The following ZSCAN29 variants were observed in gnomAD, a reference collection of about 807,000 sequenced individuals.
ZSCAN29 encodes zinc finger and SCAN domain containing 29, also known as zinc finger and SCAN domain-containing protein 29.
In ZSCAN29, 55 loss-of-function variants were observed where a neutral mutation model predicts 71.9. The ratio of observed to expected loss-of-function variants is 0.76; its 90% CI spans 0.62 to 0.96. The LOEUF (loss-of-function observed/expected upper bound fraction) is 0.96. ZSCAN29 is among the 40% of genes least tolerant of loss of function. The pLI is 0.00. For synonymous variants in ZSCAN29, 351 were observed against 371.6 expected (o/e 0.94, Z 0.64); for missense variants, 1,042 against 1,042.2 (o/e 1.00, Z 0.00).
Position 43,361,547 on chromosome 15 carries a change from T to C in ZSCAN29, c.2085A>G (p.Arg695=). The C allele has an allele frequency of 6.2e-7, 1 of 1,614,126 alleles. No homozygotes were observed. ...TCTCTCCAGTGTGGATTCTCCGGTGTCTAATGAGTCGTGCACTCCGACTGA... is the reference window on the plus strand; with the variant it reads ...TCTCTCCAGTGTGGATTCTCCGGTGCCTAATGAGTCGTGCACTCCGACTGA... ...KSFSRSARLI[R]HRRIHTGEKP... The change falls in exon 6 of 6, where the codon AGA becomes AGG. Residue 695 remains arginine (R), a synonymous_variant. Transcript: ENST00000684362.
rs368457022 is a variant in ZSCAN29 at position 43,358,343 on chromosome 15, G to A, written c.*2730C>T. Reference sequence around the variant, plus strand: ...TGCTTTTCCCACGAGACTATACATAGATATACTAAAGACAATACTTTTTTT... The same window carrying A: ...TGCTTTTCCCACGAGACTATACATAAATATACTAAAGACAATACTTTTTTT... On this transcript the variant is annotated 3_prime_UTR_variant, in exon 6 of 6. Coordinates refer to ENST00000684362, the MANE Select transcript of ZSCAN29 (RefSeq NM_001372080.1). The A allele has an allele frequency of 6.6e-6, 1 of 152,034 alleles. No homozygotes were observed. Among genetic ancestry groups the A allele is most frequent in the Admixed American group, 6.6e-5 (1 of 15,226 alleles). 9.4% of individuals were successfully genotyped at this position (152,034 alleles called of 1,614,324 possible). A position where few individuals can be genotyped will look rare whatever the true frequency, so the allele number is the denominator to read the frequency against.
chr15:43,361,255 G>C lies in ZSCAN29; in HGVS notation c.2377C>G (p.Pro793Ala). 1 of 1,614,126 alleles carries C rather than the reference G, an allele frequency of 6.2e-7. No homozygotes were observed. The highest frequency in any genetic ancestry group is 8.5e-7 in the Non-Finnish European group (1 of 1,180,034). Residue 793 changes from proline to alanine, a missense_variant, in exon 6 of 6, where the codon CCT (proline) becomes GCT (alanine). Transcript: ENST00000684362. ...TTACTGAAACTCTTTCCACAGTCAG[G>C]ACACACATGGGGTCTCTCTCCTGTG... ...IHTGERPHVCPDCGKSFSKSS... is the reference protein window; with the variant it reads ...IHTGERPHVCADCGKSFSKSS...
intron 2 of ZSCAN29, 70 bp from the exon 3 acceptor site, chr15:43,369,197 A>G (rs749804687): frequency 3.0e-5 from 44 of 1,450,170 alleles, no homozygotes; most frequent in Non-Finnish European, 2.2e-5. Context: ...AGAGTATTTA[A>G]TACCCCAAAA....
At position 43,361,788 on chromosome 15, in the gene ZSCAN29, C is replaced by G. The variant is rs1405590589; in HGVS notation, c.1844G>C (p.Arg615Thr). 6.2e-7 allele frequency: 1 copy of G among 1,614,092 alleles called. No individual in the cohort carries two copies. Among genetic ancestry groups the G allele is most frequent in the Non-Finnish European group, 8.5e-7 (1 of 1,180,042 alleles). ...KGNESDCRSGRQWAKTSGEKR... is the reference protein window; with the variant it reads ...KGNESDCRSGTQWAKTSGEKR... ...CTCCCCTGAGGTCTTTGCCCACTGT[C>G]TTCCTGATCTACAGTCACTCTCATT... The change falls in exon 6 of 6, where the codon AGA becomes ACA. Residue 615 changes from arginine (R) to threonine (T), a missense_variant. Arg to Thr is a moderately conservative substitution (Grantham distance 71). Coordinates refer to ENST00000684362, the MANE Select transcript of ZSCAN29 (RefSeq NM_001372080.1).
rs2044059274 is a variant in ZSCAN29, at chr15:43,368,256, T to C, written c.523+667A>G. Reference sequence around the variant, plus strand: ...AAGAATGGATCTTGGCCGGGCGCGGTGGCTCACGCCTGTAATCCCAGCACT... The same window carrying C: ...AAGAATGGATCTTGGCCGGGCGCGGCGGCTCACGCCTGTAATCCCAGCACT... On this transcript the variant is annotated intron_variant, in intron 3 of 5. Coordinates refer to ENST00000684362, the MANE Select transcript of ZSCAN29 (RefSeq NM_001372080.1). Among the ~76,000 whole-genome samples, 2 of 107,694 alleles carry C rather than the reference T, an allele frequency of 1.9e-5. 1 individual carries two copies. Among genetic ancestry groups the C allele is most frequent in the African/African-American group, 2.1e-4 (2 of 9,750 alleles). The allele number at this position is 107,694 out of a possible 152,430, so 70.7% of individuals were successfully genotyped here. A position where few individuals can be genotyped will look rare whatever the true frequency, so the allele number is the denominator to read the frequency against.
rs2044104258 is a variant in ZSCAN29 at position 43,370,981 on chromosome 15, G to GCCCCGGCCCCGGCCCTGA, written c.-537_-536insTCAGGGCCGGGGCCGGGG. The GCCCCGGCCCCGGCCCTGA allele has an allele frequency of 8.2e-6, 1 of 121,634 alleles. No individual in the cohort carries two copies. The highest frequency in any genetic ancestry group is 1.3e-5 in the Non-Finnish European group (1 of 78,628). 7.5% of individuals were successfully genotyped at this position (121,634 alleles called of 1,614,324 possible). ...CACTCGGGGTCCGACCCTGACCCCG[G>GCCCCGGCCCCGGCCCTGA]CCCCGGCCCCGGCCCCGGCCCCGGC... On this transcript the variant is annotated 5_prime_UTR_variant, in exon 1 of 6. Transcript: ENST00000684362.
intron 4 of ZSCAN29, among the ~76,000 whole-genome samples, chr15:43,364,740 T>C (rs1481926324): frequency 6.6e-6 from 1 of 151,610 alleles, no homozygotes; most frequent in African/African-American, 2.4e-5. Context: ...ACAGAAAAAT[T>C]AGCCAGGCGT....
At chr15:43,364,576 C>G in intron 4 of ZSCAN29, 194 bp from the exon 5 acceptor site, 1 of 683,496 alleles carries the variant, frequency 1.5e-6, no homozygotes, top group East Asian at 2.8e-5. Flanking sequence ...TTAGCAATTT[C>G]ACAGAGACCT....
rs751145031 is a variant in ZSCAN29 at position 43,369,002 on chromosome 15, T to C, written c.444A>G (p.Lys148=). 1.2e-6 allele frequency: 2 copies of C among 1,613,208 alleles called. No individual in the cohort carries two copies. The highest frequency in any genetic ancestry group is 1.7e-6 in the Non-Finnish European group (2 of 1,179,696). Reference sequence around the variant, plus strand: ...CCAGGTCTGGGCTTCTTGCCCTCTCTTTCTTGGGTACACCCCTGGGCTGGG... The same window carrying C: ...CCAGGTCTGGGCTTCTTGCCCTCTCCTTCTTGGGTACACCCCTGGGCTGGG... ...VEPQPRGVPK[K]ERARSPDLGP... is the part of the protein sequence containing the mutation. The change falls in exon 3 of 6, where the codon AAA becomes AAG. Residue 148 remains lysine (K), a synonymous_variant. Coordinates refer to ENST00000684362, the MANE Select transcript of ZSCAN29 (RefSeq NM_001372080.1).
chr15:43,370,484 A>T (rs1290418394), intron 1 of ZSCAN29, 74 bp downstream of exon 1: 2 of 152,518 alleles, frequency 1.3e-5, no homozygotes, highest in East Asian at 3.9e-4. Flanking sequence ...CCCCAGGCAA[A>T]AATCACGTCC....
At chr15:43,369,363 C>G in intron 2 of ZSCAN29, 1 of 576,910 alleles carries the variant, frequency 1.7e-6, no homozygotes, top group Middle Eastern at 4.7e-4. Flanking sequence ...AAAAAAAAAT[C>G]CCCTTTCTTC....
rs2043954390 is a variant in ZSCAN29 at position 43,358,600 on chromosome 15, C to G, written c.*2473G>C. ...TAGAATACTATATCTTCCTACTGCT[C>G]TCCCTGATCTTATTCCAGCCACAGA... On this transcript the variant is annotated 3_prime_UTR_variant, in exon 6 of 6. Coordinates refer to ENST00000684362, the MANE Select transcript of ZSCAN29 (RefSeq NM_001372080.1). 6.6e-6 allele frequency: 1 copy of G among 152,244 alleles called. No individual in the cohort carries two copies. The highest frequency in any genetic ancestry group is 2.4e-5 in the African/African-American group (1 of 41,468). The allele number at this position is 152,244 out of a possible 1,614,324, so 9.4% of individuals were successfully genotyped here.
intron 5 of ZSCAN29, among the ~76,000 whole-genome samples, chr15:43,362,306 T>C (rs2043990364): frequency 6.6e-6 from 1 of 152,260 alleles, no homozygotes; most frequent in African/African-American, 2.4e-5. Context: ...ATCTCGGGTC[T>C]GTCATAGTAT....
Position 43,363,573 on chromosome 15 carries a change from C to T in ZSCAN29, c.1690+342G>A, listed in dbSNP as rs538843341. Among the ~76,000 whole-genome samples, 22 of 152,278 alleles carry T rather than the reference C, an allele frequency of 1.4e-4. No homozygotes were observed. The South Asian group carries it at 4.6e-3, about 32-fold the overall frequency. ...ATAAAAGAGAATGAACTTTTAAAAT[C>T]AACTTCATCCTACCGTGGGTACGTG... On this transcript the variant is annotated intron_variant, in intron 5 of 5. Transcript: ENST00000684362.
rs2044080532 is a variant in ZSCAN29, at chr15:43,369,696, T to A, written c.218A>T (p.Glu73Val). Residue 73 changes from glutamate (E) to valine (V), a missense_variant, in exon 2 of 6, where the codon GAG becomes GTG. Transcript: ENST00000684362. ...TTGTTCCTGTACCCAATTCTGGATCTCCCCAGGTAAGACGGTCAGGAACTG... is the reference window on the plus strand; with the variant it reads ...TTGTTCCTGTACCCAATTCTGGATCACCCCAGGTAAGACGGTCAGGAACTG... ...LEQFLTVLPG[E>V]IQNWVQEQCP... 6.2e-7 allele frequency: 1 copy of A among 1,614,120 alleles called. No homozygotes were observed. Among genetic ancestry groups the A allele is most frequent in the South Asian group, 1.1e-5 (1 of 91,088 alleles).
In ZSCAN29 at chr15:43,365,106, A is replaced by G. The variant is rs567767554; in HGVS notation, c.1223-724T>C. On this transcript the variant is annotated intron_variant, in intron 4 of 5. Coordinates refer to ENST00000684362, the MANE Select transcript of ZSCAN29 (RefSeq NM_001372080.1). Reference sequence around the variant, plus strand: ...GAACTAAAATAAGATCATGCATGTCACAAAAAACAGAAGGAAAAGACCACT... The same window carrying G: ...GAACTAAAATAAGATCATGCATGTCGCAAAAAACAGAAGGAAAAGACCACT... Among the ~76,000 whole-genome samples the G allele has an allele frequency of 3.9e-5, 6 of 152,282 alleles. No homozygotes were observed. The East Asian group carries it at 1.2e-3, about 29-fold the overall frequency.
intron 3 of ZSCAN29, among the ~76,000 whole-genome samples, chr15:43,367,292 T>A (rs2044049200): frequency 6.6e-6 from 1 of 152,128 alleles, no homozygotes; most frequent in South Asian, 2.1e-4. Flanking sequence ...CTACTTATCC[T>A]CTCACACCCA....
At chr15:43,366,055 A>T in intron 4 of ZSCAN29, 55 bp downstream of exon 4, 2 of 1,522,128 alleles carry the variant, frequency 1.3e-6, no homozygotes, top group Middle Eastern at 2.0e-4. Flanking sequence ...CTCCACATCC[A>T]GTCTCTTTGT....
chr15:43,361,061 A>T lies in ZSCAN29; in HGVS notation c.*12T>A. 1 of 1,570,964 alleles carries T rather than the reference A, an allele frequency of 6.4e-7. No individual in the cohort carries two copies. ...TTTATTGAGCCTCTTTCCGTTATAT[A>T]TCCTCAGGGGCTTACTTGGGAGCTG... On this transcript the variant is annotated 3_prime_UTR_variant, in exon 6 of 6. Transcript: ENST00000684362.
Sources: allele counts gnomAD v4.1 joint callset (sites outside exome capture counted in the v4.1 genomes callset), GRCh38; gene constraint gnomAD v4.1.1; transcripts MANE v1.5; gene names NCBI Gene and HGNC (gene_info 2026-07-23, HGNC 2026-07-21).